The following SLC41A2 variants were observed in gnomAD, a reference collection of about 807,000 sequenced individuals.
SLC41A2 encodes the protein SLC41A1-like 1.
A neutral mutation model predicts 58.3 loss-of-function variants in SLC41A2; 32 were observed. The observed-to-expected ratio is 0.55, with a 90% CI of 0.41 to 0.74. The LOEUF (loss-of-function observed/expected upper bound fraction) is 0.74, where lower values mean the gene tolerates loss of function less well. Among genes scored for constraint, SLC41A2 ranks in the 30% least tolerant of loss-of-function variants. The probability of loss-of-function intolerance (pLI) is 0.00; values close to 1 mark genes in which losing one functional copy is unlikely to be tolerated. For missense variants in SLC41A2, 514 were observed against 680.6 expected, an observed-to-expected ratio of 0.76 and a Z score of 2.72; for synonymous variants, 190 against 235.0, an observed-to-expected ratio of 0.81 and a Z score of 1.75.
At position 104,827,425 on chromosome 12, in the gene SLC41A2, C is replaced by T. The variant is rs933917621; in HGVS notation, c.1536+17047G>A. ...TACAAACCCTAGAATTCCCAGAGTG[C>T]ACCTGTTAACTGCTAAAGATAAGGC... On this transcript the variant is annotated intron_variant, in intron 10 of 10. Transcript: ENST00000258538. 7.2e-5 allele frequency among the ~76,000 whole-genome samples: 11 copies of T among 152,130 alleles called. 1 individual carries two copies. Among genetic ancestry groups the T allele is most frequent in the Admixed American group, 1.3e-4 (2 of 15,310 alleles).
intron 6 of SLC41A2, among the ~76,000 whole-genome samples, chr12:104,885,095 T>C (rs1305401497): frequency 6.6e-6 from 1 of 152,140 alleles, no homozygotes; most frequent in East Asian, 1.9e-4. Context: ...TACTTAAACA[T>C]GTATCATTCT....
At chr12:104,910,427 T>C (rs1270508721) in intron 2 of SLC41A2, among the ~76,000 whole-genome samples, 1 of 152,174 alleles carries the variant, frequency 6.6e-6, no homozygotes, top group African/African-American at 2.4e-5. Context: ...ATCTTTCTGA[T>C]CTCAATTTCT....
chr12:104,878,299 T>TTA (rs55670022), intron 6 of SLC41A2, among the ~76,000 whole-genome samples: 8,408 of 139,690 alleles, frequency 0.06, 290 homozygotes, highest in South Asian at 0.081. Context: ...TACCTGTATT[T>TTA]TATATATATA....
At chr12:104,879,591 A>G (rs2044254374) in intron 6 of SLC41A2, among the ~76,000 whole-genome samples, 1 of 152,178 alleles carries the variant, frequency 6.6e-6, no homozygotes, top group Non-Finnish European at 1.5e-5. Context: ...GGTTTGTCAA[A>G]GATCAGATGC....
At chr12:104,911,538 T>C (rs1310404468) in intron 2 of SLC41A2, among the ~76,000 whole-genome samples, 1 of 152,240 alleles carries the variant, frequency 6.6e-6, no homozygotes, top group African/African-American at 2.4e-5. Flanking sequence ...CTAGGCATAT[T>C]AACTTTATAT....
chr12:104,934,463 A>T (rs1277788907), intron 1 of SLC41A2, among the ~76,000 whole-genome samples: 2 of 152,024 alleles, frequency 1.3e-5, no homozygotes, highest in Admixed American at 6.6e-5. Context: ...CCACTACTTA[A>T]TTCCTTAATG....
intron 10 of SLC41A2, among the ~76,000 whole-genome samples, chr12:104,829,136 T>C (rs2468341): frequency 0.48 from 73,479 of 152,032 alleles, 18,709 homozygotes; most frequent in Middle Eastern, 0.57. Flanking sequence ...GACCCAGAAA[T>C]TCTACTATAG....
intron 1 of SLC41A2, among the ~76,000 whole-genome samples, chr12:104,939,380 T>C (rs1280232828): frequency 1.3e-5 from 2 of 152,136 alleles, no homozygotes; most frequent in Admixed American, 6.5e-5. Context: ...AAATAGTTTG[T>C]ACAGACAGGG....
At chr12:104,875,975 T>C (rs1338934179) in intron 6 of SLC41A2, among the ~76,000 whole-genome samples, 1 of 152,226 alleles carries the variant, frequency 6.6e-6, no homozygotes, top group East Asian at 1.9e-4. Context: ...CTATTTGTTA[T>C]TGGTCTGTTC....
intron 8 of SLC41A2, 94 bp from the exon 9 acceptor site, chr12:104,846,068 G>T: frequency 1.6e-6 from 2 of 1,283,984 alleles, no homozygotes; most frequent in Non-Finnish European, 2.1e-6. Flanking sequence ...TAACATTCTG[G>T]GCCAATAAAA....
At chr12:104,910,854 G>C (rs1244080481) in intron 2 of SLC41A2, among the ~76,000 whole-genome samples, 1 of 152,152 alleles carries the variant, frequency 6.6e-6, no homozygotes, top group African/African-American at 2.4e-5. Flanking sequence ...GTCTCTTGTG[G>C]AGAAAATCTA....
intron 2 of SLC41A2, among the ~76,000 whole-genome samples, chr12:104,913,967 C>A (rs1327403520): frequency 5.9e-5 from 9 of 152,016 alleles, no homozygotes; most frequent in African/African-American, 1.7e-4. Context: ...GAGGCCGAGG[C>A]AGGAGAATCG....
At chr12:104,861,713 C>T (rs990501236) in intron 7 of SLC41A2, among the ~76,000 whole-genome samples, 18 of 152,030 alleles carry the variant, frequency 1.2e-4, no homozygotes, top group Admixed American at 3.9e-4. Flanking sequence ...AGGGGACTGA[C>T]GGTCATTTTA....
At chr12:104,892,311 TA>T (rs199837094) in intron 4 of SLC41A2, among the ~76,000 whole-genome samples, 4,656 of 120,924 alleles carry the variant, frequency 0.039, 544 homozygotes, top group African/African-American at 0.16. Flanking sequence ...AAAAATAAAA[TA>T]AAATAAAATA....
In SLC41A2 at chr12:104,866,413, CACAT is replaced by C. The variant is rs753968045; in HGVS notation, c.1175+15_1175+18del. 459 of 1,494,572 alleles carry C rather than the reference CACAT, an allele frequency of 3.1e-4. 1 individual carries two copies. The African/African-American group carries it at 6.1e-3, about 20-fold the overall frequency. The allele number at this position is 1,494,572 out of a possible 1,614,324, so 92.6% of individuals were successfully genotyped here. On this transcript the variant is annotated intron_variant, in intron 7 of 10. Coordinates refer to ENST00000258538, the MANE Select transcript of SLC41A2 (RefSeq NM_001352171.3). ...ACACACACACACACACACACACACA[CACAT>C]ATTTTAATACTAACCTACTTATAAC...
chr12:104,928,223 G>A lies in SLC41A2; in HGVS notation c.305C>T (p.Ser102Leu), dbSNP rs2046921480. The A allele has an allele frequency of 6.2e-7, 1 of 1,614,188 alleles. No individual in the cohort carries two copies. Among genetic ancestry groups the A allele is most frequent in the African/African-American group, 1.3e-5 (1 of 75,056 alleles). Reference sequence around the variant, plus strand: ...ATCATACTTTTGGCTGCAGCTTGATGATGCGTGCCCATTATTGGCATGAAA... The same window carrying A: ...ATCATACTTTTGGCTGCAGCTTGATAATGCGTGCCCATTATTGGCATGAAA... ...QSFHANNGHASSSCSQKYDDY... is the reference protein window; with the variant it reads ...QSFHANNGHALSSCSQKYDDY... Residue 102 changes from serine to leucine, a missense_variant, in exon 2 of 11, where the codon TCA becomes TTA. Ser to Leu is a moderately radical substitution (Grantham distance 145). This residue lies in a region of SLC41A2 where 336 missense variants were observed against 430.0 expected (regional missense o/e 0.78). Coordinates refer to ENST00000258538, the MANE Select transcript of SLC41A2 (RefSeq NM_001352171.3).
chr12:104,944,979 T>C (rs1320992943), intron 1 of SLC41A2, among the ~76,000 whole-genome samples: 1 of 150,746 alleles, frequency 6.6e-6, no homozygotes, highest in Non-Finnish European at 1.5e-5. Context: ...GAGACCAGCC[T>C]GGCCAACATG....
At chr12:104,914,930 G>C (rs2046246569) in intron 2 of SLC41A2, among the ~76,000 whole-genome samples, 1 of 152,208 alleles carries the variant, frequency 6.6e-6, no homozygotes, top group South Asian at 2.1e-4. Context: ...TGTCCAGAGA[G>C]GGAATGCTGA....
rs76245845 is a variant in SLC41A2 at position 104,925,269 on chromosome 12, T to C, written c.555+2704A>G. Among the ~76,000 whole-genome samples the C allele has an allele frequency of 3.2e-3, 480 of 152,316 alleles. 4 individuals are homozygous for C. In the East Asian group the frequency reaches 0.04, roughly 13 times the overall value. On this transcript the variant is annotated intron_variant, in intron 2 of 10. Transcript: ENST00000258538. ...CATTCAAATAAAGTCTTTAAAAATA[T>C]TTATATCGGCCAGGCGCGGTGGCTC...
Sources: allele counts gnomAD v4.1 joint callset (sites outside exome capture counted in the v4.1 genomes callset), GRCh38; gene constraint gnomAD v4.1.1; regional missense constraint gnomAD v4.1.1; transcripts MANE v1.5; gene names NCBI Gene and HGNC (gene_info 2026-07-23, HGNC 2026-07-21).